TAF1D: variants seen among roughly 807,000 people sequenced by gnomAD.
The protein encoded by TAF1D is TATA box-binding protein-associated factor RNA polymerase I subunit D.
Under a neutral mutation model 26.2 loss-of-function variants are expected in TAF1D, and 23 were observed. The observed-to-expected ratio is 0.88, with a 90% CI of 0.63 to 1.25. The LOEUF (loss-of-function observed/expected upper bound fraction) is 1.25, where lower values mean the gene tolerates loss of function less well. Among genes scored for constraint, TAF1D ranks in the 50% most tolerant of loss-of-function variants. The pLI is 0.00. For synonymous variants in TAF1D, 100 were observed against 105.6 expected (o/e 0.95, Z 0.33); for missense variants, 299 against 322.0 (o/e 0.93, Z 0.55).
chr11:93,736,484 A>G, intron 5 of TAF1D, 180 bp from the exon 6 acceptor site: 1 of 1,423,930 alleles, frequency 7.0e-7, no homozygotes. Context: ...AATATGTATC[A>G]GAATGCTACT....
downstream of TAF1D, chr11:93,730,657 C>G (rs766963020): frequency 1.9e-6 from 1 of 532,220 alleles, no homozygotes; most frequent in Non-Finnish European, 3.7e-6. Context: ...ATACAAATGT[C>G]TTTTCTAATG....
chr11:93,733,572 A>G, downstream of TAF1D: 1 of 518,890 alleles, frequency 1.9e-6, no homozygotes. Flanking sequence ...GGCTACAGGA[A>G]AAGCCCCATC....
At chr11:93,731,196 G>T, downstream of TAF1D, 1 of 421,044 alleles carries the variant, frequency 2.4e-6, no homozygotes. Context: ...TGGATATACT[G>T]ATGAAGACTT....
downstream of TAF1D, chr11:93,731,010 G>T (rs772703316): frequency 5.8e-6 from 3 of 518,832 alleles, no homozygotes; most frequent in South Asian, 4.2e-5. Context: ...TGCTAGCAAA[G>T]TAGCAGATAG....
At chr11:93,730,352 C>T (rs1178910337) in exon 12 of TAF1D, 13 of 1,043,626 alleles carry the variant, frequency 1.2e-5, no homozygotes, top group African/African-American at 4.7e-5. Flanking sequence ...AATTGTTATT[C>T]GAGGAATTCC....
chr11:93,740,151 A>C lies in TAF1D; in HGVS notation c.-27-820T>G, dbSNP rs764446990. Among the ~76,000 whole-genome samples, 85 of 151,976 alleles carry C rather than the reference A, an allele frequency of 5.6e-4. 1 individual carries two copies. Among genetic ancestry groups the C allele is most frequent in the Non-Finnish European group, 9.9e-4 (67 of 68,002 alleles). Reference sequence around the variant, plus strand: ...TGGTGAAACTCCGTCTCTACAAAAAATACGGAAATTAGCCAGAATAGTGGC... The same window carrying C: ...TGGTGAAACTCCGTCTCTACAAAAACTACGGAAATTAGCCAGAATAGTGGC... On this transcript the variant is annotated intron_variant, in intron 1 of 5. Transcript: ENST00000448108.
intron 3 of TAF1D, among the ~76,000 whole-genome samples, chr11:93,737,618 A>C (rs568712961): frequency 1.4e-4 from 22 of 152,220 alleles, no homozygotes; most frequent in Non-Finnish European, 2.6e-4. Flanking sequence ...AGGGATCATA[A>C]ATTAATTCTG....
downstream of TAF1D, chr11:93,735,105 TATC>T: frequency 7.5e-7 from 1 of 1,334,636 alleles, no homozygotes; most frequent in Non-Finnish European, 9.9e-7. Flanking sequence ...CTGTCTCAGG[TATC>T]ATAATATCCC....
Position 93,737,093 on chromosome 11 carries a change from A to G in TAF1D, c.606T>C (p.Asp202=), listed in dbSNP as rs1313631698. The change falls in exon 4 of 6, where the codon GAT becomes GAC. Residue 202 remains aspartate (D), a synonymous_variant. Coordinates refer to ENST00000448108, the MANE Select transcript of TAF1D (RefSeq NM_024116.4). ...DSRRYKFLDD[D]GSISPIEEST... is the part of the protein sequence containing the mutation. ...ACTCCTCAATAGGAGAAATGGATCC[A>G]TCATCATCCAAAAATTTGTATCTAC... is the stretch of plus-strand genomic sequence containing the variant. The G allele has an allele frequency of 6.2e-7, 1 of 1,608,554 alleles. No homozygotes were observed. The highest frequency in any genetic ancestry group is 1.1e-5 in the South Asian group (1 of 89,324).
intron 3 of TAF1D, 32 bp from the exon 4 acceptor site, chr11:93,737,271 G>T: frequency 2.0e-6 from 3 of 1,502,874 alleles, no homozygotes; most frequent in Non-Finnish European, 2.7e-6. Flanking sequence ...AGTATGTCGA[G>T]ATTTTATTTT....
At chr11:93,735,361 A>T, downstream of TAF1D, 14 of 1,078,588 alleles carry the variant, frequency 1.3e-5, no homozygotes, top group Non-Finnish European at 1.6e-5. Context: ...CCTTTTCTTG[A>T]ACTAATAAAA....
downstream of TAF1D, chr11:93,732,589 A>G (rs1035603745): frequency 5.0e-6 from 2 of 399,476 alleles, no homozygotes; most frequent in African/African-American, 4.1e-5. Context: ...TTTAACAAGT[A>G]CAATAATTTG....
chr11:93,731,603 C>G (rs745347754), downstream of TAF1D: 1 of 517,714 alleles, frequency 1.9e-6, no homozygotes, highest in Non-Finnish European at 3.9e-6. Flanking sequence ...CACATAATAA[C>G]GTAAGCCTAG....
At chr11:93,733,458 CTT>C (rs1281334483), downstream of TAF1D, 1 of 518,290 alleles carries the variant, frequency 1.9e-6, no homozygotes, top group Non-Finnish European at 3.8e-6. Flanking sequence ...CTTTTTCAAA[CTT>C]TTAGCAACTG....
chr11:93,739,249 A>C lies in TAF1D; in HGVS notation c.56T>G (p.Leu19Arg). ...LDHVTSDAVE[L>R]ANRSDNSSDS... is the part of the protein sequence containing the mutation. Reference sequence around the variant, plus strand: ...TGAATCCACTCACCTTCGATTTGCAAGTTCCACAGCATCAGATGTCACATG... The same window carrying C: ...TGAATCCACTCACCTTCGATTTGCACGTTCCACAGCATCAGATGTCACATG... The change falls in exon 2 of 6, where the codon CTT becomes CGT. Residue 19 changes from leucine to arginine, a missense_variant. Transcript: ENST00000448108. 6.2e-7 allele frequency: 1 copy of C among 1,612,680 alleles called. No individual in the cohort carries two copies. The highest frequency in any genetic ancestry group is 2.2e-5 in the East Asian group (1 of 44,832).
chr11:93,731,103 C>T (rs775885794), downstream of TAF1D: 15 of 502,792 alleles, frequency 3.0e-5, 2 homozygotes, highest in South Asian at 2.2e-4. Flanking sequence ...ATGACCATTA[C>T]ACCCTTGAGC....
rs746463052 is a variant in TAF1D at position 93,739,259 on chromosome 11, CA to C, written c.45del (p.Asp15GlufsTer61). On this transcript the variant is annotated frameshift_variant, in exon 2 of 6. Transcript: ENST00000448108. LOFTEE classifies it high-confidence loss of function. ...GIDSLDHVTS[D>X]AVELANRSDN... ...CACCTTCGATTTGCAAGTTCCACAGCATCAGATGTCACATGGTCAAGAGAAT... is the reference window on the plus strand; with the variant it reads ...CACCTTCGATTTGCAAGTTCCACAGCTCAGATGTCACATGGTCAAGAGAAT... 2 of 1,613,068 alleles carry C rather than the reference CA, an allele frequency of 1.2e-6. No homozygotes were observed. The highest frequency in any genetic ancestry group is 1.7e-6 in the Non-Finnish European group (2 of 1,179,760).
downstream of TAF1D, chr11:93,733,327 T>C (rs770986549): frequency 1.9e-6 from 1 of 519,140 alleles, no homozygotes; most frequent in Non-Finnish European, 3.8e-6. Flanking sequence ...CAAAAGATTA[T>C]ACTGTCACCA....
downstream of TAF1D, chr11:93,734,082 AACTTCAGTATTGCAACAG>A (rs1346813559): frequency 6.5e-6 from 1 of 152,794 alleles, no homozygotes; most frequent in Admixed American, 6.5e-5. Flanking sequence ...TGTTGTTATG[AACTTCAGTATTGCAACAG>A]AGGATGTTGT....
Sources: gnomAD v4.1 joint callset for allele counts (sites outside exome capture counted in the v4.1 genomes callset) on GRCh38, gnomAD v4.1.1 for gene constraint, MANE v1.5 for transcripts, NCBI Gene and HGNC (gene_info 2026-07-23, HGNC 2026-07-21) for gene names.